SDK1: variants seen among roughly 807,000 people sequenced by gnomAD.
The protein encoded by SDK1 is protein sidekick-1.
A neutral mutation model predicts 245.5 loss-of-function variants in SDK1; 157 were observed. The observed-to-expected ratio is 0.64, with a 90% CI of 0.56 to 0.73. The LOEUF is 0.73. SDK1 is among the 30% of genes least tolerant of loss of function. The pLI, the probability that SDK1 is intolerant of heterozygous loss-of-function variation, is 0.00. For missense variants in SDK1, 3,583 were observed against 3,002.3 expected, an observed-to-expected ratio of 1.19 and a Z score of -4.52; for synonymous variants, 1,647 against 1,278.5, an observed-to-expected ratio of 1.29 and a Z score of -6.15.
At chr7:3,439,661 G>A (rs553424050) in intron 1 of SDK1, among the ~76,000 whole-genome samples, 2 of 152,294 alleles carry the variant, frequency 1.3e-5, no homozygotes, top group Admixed American at 6.5e-5. Context: ...TTTTGAATTT[G>A]TTTCTTAATG....
intron 4 of SDK1, among the ~76,000 whole-genome samples, chr7:3,775,273 A>G (rs973431876): frequency 1.3e-5 from 2 of 152,212 alleles, no homozygotes; most frequent in Non-Finnish European, 2.9e-5. Context: ...GTTTCTATTA[A>G]GTTGGACCAT....
intron 1 of SDK1, among the ~76,000 whole-genome samples, chr7:3,465,785 T>C (rs1780980874): frequency 6.6e-6 from 1 of 152,178 alleles, no homozygotes; most frequent in Non-Finnish European, 1.5e-5. Context: ...TGAATGGCTT[T>C]GCAGCCTATG....
intron 1 of SDK1, among the ~76,000 whole-genome samples, chr7:3,543,067 A>G (rs904156134): frequency 6.6e-6 from 1 of 152,220 alleles, no homozygotes; most frequent in African/African-American, 2.4e-5. Flanking sequence ...AAGCTTAGGC[A>G]TAATTCCTAT....
chr7:3,896,991 T>G lies in SDK1; in HGVS notation c.848-53932T>G, dbSNP rs185482687. Among the ~76,000 whole-genome samples, 303 of 152,156 alleles carry G rather than the reference T, an allele frequency of 2.0e-3. 1 individual carries two copies. The highest frequency in any genetic ancestry group is 6.8e-3 in the Middle Eastern group (2 of 294). ...GAAGGGTGAAGGGGAAGAAGGCATGTCTTACATGGCATCAGGAGAGAGAGA... is the reference window on the plus strand; with the variant it reads ...GAAGGGTGAAGGGGAAGAAGGCATGGCTTACATGGCATCAGGAGAGAGAGA... On this transcript the variant is annotated intron_variant, in intron 5 of 44. Transcript: ENST00000404826.
At chr7:3,445,265 A>T (rs1004292867) in intron 1 of SDK1, among the ~76,000 whole-genome samples, 3 of 152,164 alleles carry the variant, frequency 2.0e-5, no homozygotes, top group Non-Finnish European at 4.4e-5. Flanking sequence ...GCATTTGGGT[A>T]TAATCTTAGA....
At chr7:3,591,823 G>A (rs1731055145) in intron 1 of SDK1, among the ~76,000 whole-genome samples, 1 of 152,162 alleles carries the variant, frequency 6.6e-6, no homozygotes, top group East Asian at 1.9e-4. Flanking sequence ...TTATCCAATG[G>A]GAGGCAAACC....
intron 1 of SDK1, among the ~76,000 whole-genome samples, chr7:3,518,179 A>T (rs1306422281): frequency 6.6e-6 from 1 of 152,150 alleles, no homozygotes; most frequent in African/African-American, 2.4e-5. Context: ...CATTGTTTAG[A>T]GGTGAATAAT....
intron 1 of SDK1, among the ~76,000 whole-genome samples, chr7:3,500,671 C>G (rs1782168908): frequency 6.6e-6 from 1 of 152,096 alleles, no homozygotes; most frequent in Non-Finnish European, 1.5e-5. Context: ...ATTCTTTAAA[C>G]TTGGAAACAA....
chr7:3,526,190 A>C (rs1205422221), intron 1 of SDK1, among the ~76,000 whole-genome samples: 1 of 152,036 alleles, frequency 6.6e-6, no homozygotes, highest in African/African-American at 2.4e-5. Context: ...CCGAGATCGC[A>C]TCACTGAACT....
intron 22 of SDK1, among the ~76,000 whole-genome samples, chr7:4,080,629 T>C (rs1419187139): frequency 1.3e-5 from 2 of 152,036 alleles, no homozygotes; most frequent in Non-Finnish European, 2.9e-5. Context: ...GACCCACAAA[T>C]GGGGCTGGAA....
At chr7:4,032,449 G>T (rs1249865811) in intron 17 of SDK1, among the ~76,000 whole-genome samples, 1 of 152,184 alleles carries the variant, frequency 6.6e-6, no homozygotes, top group African/African-American at 2.4e-5. Flanking sequence ...GCGTAAGGTA[G>T]TCCACAGTCT....
At chr7:3,865,857 C>T (rs1044978545) in intron 5 of SDK1, among the ~76,000 whole-genome samples, 1 of 152,102 alleles carries the variant, frequency 6.6e-6, no homozygotes, top group African/African-American at 2.4e-5. Context: ...CCCAAGATCA[C>T]TAGCACCAAC....
chr7:3,694,579 G>GGC (rs1554249923), intron 4 of SDK1, among the ~76,000 whole-genome samples: 2 of 151,638 alleles, frequency 1.3e-5, no homozygotes, highest in Admixed American at 1.3e-4. Context: ...TATGTTGGTG[G>GGC]GGGGGGAAAA....
At chr7:3,945,557 C>T (rs183194595) in intron 5 of SDK1, among the ~76,000 whole-genome samples, 24 of 151,708 alleles carry the variant, frequency 1.6e-4, no homozygotes, top group African/African-American at 5.8e-4. Flanking sequence ...TCTTGGGAGT[C>T]ACAATATGGT....
rs28693824 is a variant in SDK1 at position 3,696,645 on chromosome 7, A to G, written c.713+54540A>G. ...TTACTCAAAAAGCAGCAATAATTGT[A>G]TCTTATGTAATTATTGTCTAAATTT... On this transcript the variant is annotated intron_variant, in intron 4 of 44. Transcript: ENST00000404826. 7.2e-3 allele frequency among the ~76,000 whole-genome samples: 1,093 copies of G among 151,888 alleles called. 9 individuals are homozygous for G. Among genetic ancestry groups the G allele is most frequent in the African/African-American group, 0.025 (1,055 of 41,388 alleles).
chr7:3,427,173 A>C (rs1403582504), intron 1 of SDK1, among the ~76,000 whole-genome samples: 2 of 152,234 alleles, frequency 1.3e-5, no homozygotes, highest in East Asian at 3.8e-4. Flanking sequence ...ATTCTCTGTC[A>C]GTGATAAATA....
chr7:3,594,795 C>T (rs1051391302), intron 1 of SDK1, among the ~76,000 whole-genome samples: 4 of 152,114 alleles, frequency 2.6e-5, no homozygotes, highest in Non-Finnish European at 4.4e-5. Context: ...GATATAAGAA[C>T]CATCAGTCCC....
intron 26 of SDK1, among the ~76,000 whole-genome samples, chr7:4,128,293 C>T (rs1784526178): frequency 1.3e-5 from 2 of 152,228 alleles, no homozygotes; most frequent in African/African-American, 4.8e-5. Flanking sequence ...CCTGCTCTCC[C>T]ATGTCTTCTC....
intron 1 of SDK1, among the ~76,000 whole-genome samples, chr7:3,582,322 CAGGT>C (rs557545101): frequency 0.014 from 2,047 of 147,148 alleles, 85 homozygotes; most frequent in African/African-American, 0.05. Context: ...AGGTCTGTCT[CAGGT>C]AGGTCTGTCT....
Sources: gnomAD v4.1 joint callset for allele counts (sites outside exome capture counted in the v4.1 genomes callset) on GRCh38, gnomAD v4.1.1 for gene constraint, MANE v1.5 for transcripts, NCBI Gene and HGNC (gene_info 2026-07-23, HGNC 2026-07-21) for gene names.